NCK1: variants seen among roughly 807,000 people sequenced by gnomAD.
The protein encoded by NCK1 is SH2/SH3 adapter protein NCK1.
A neutral mutation model predicts 36.6 loss-of-function variants in NCK1; 19 were observed. The ratio of observed to expected loss-of-function variants is 0.52; its 90% confidence interval spans 0.36 to 0.76. The LOEUF (loss-of-function observed/expected upper bound fraction) is 0.76. NCK1 is among the 30% of genes least tolerant of loss of function. The probability of loss-of-function intolerance (pLI) is 0.00; values close to 1 mark genes in which losing one functional copy is unlikely to be tolerated. For synonymous variants in NCK1, 165 were observed against 156.0 expected (o/e 1.06, Z -0.43); for missense variants, 358 against 445.6 (o/e 0.80, Z 1.77).
rs563108914 is a variant in NCK1 at position 136,875,745 on chromosome 3, G to A, written c.-19+13392G>A. On this transcript the variant is annotated intron_variant, in intron 1 of 3. Coordinates refer to ENST00000481752, the MANE Select transcript of NCK1 (RefSeq NM_001291999.2). ...CACTGTCAACATTAGACAGATCAAC[G>A]AGACAGAAAGTCAACAAGGATACCC... Among the ~76,000 whole-genome samples the A allele has an allele frequency of 4.4e-3, 656 of 148,732 alleles. 4 individuals are homozygous for A. The highest frequency in any genetic ancestry group is 8.2e-3 in the Non-Finnish European group (548 of 67,142).
Position 136,945,942 on chromosome 3 carries a change from C to T in NCK1, c.586C>T (p.Gln196Ter). ...LNTGQVLHVVQALYPFSSSND... is the reference protein window; with the variant it reads ...LNTGQVLHVV ...TACTGGGCAAGTGTTGCATGTGGTACAGGCTCTTTACCCATTCAGCTCATC... is the reference window on the plus strand; with the variant it reads ...TACTGGGCAAGTGTTGCATGTGGTATAGGCTCTTTACCCATTCAGCTCATC... Residue 196 changes from glutamine (Q) to a stop codon, truncating the protein, a stop_gained, in exon 3 of 4, where the codon CAG becomes TAG. Transcript: ENST00000481752. LOFTEE classifies it high-confidence loss of function. 1 of 1,613,942 alleles carries T rather than the reference C, an allele frequency of 6.2e-7. No individual in the cohort carries two copies. Among genetic ancestry groups the T allele is most frequent in the Non-Finnish European group, 8.5e-7 (1 of 1,179,972 alleles).
Position 136,951,549 on chromosome 3 carries a change from T to G in NCK1, c.*3096T>G, listed in dbSNP as rs753774461. 1.3e-5 allele frequency among the ~76,000 whole-genome samples: 2 copies of G among 152,176 alleles called. No homozygotes were observed. Among genetic ancestry groups the G allele is most frequent in the Admixed American group, 6.5e-5 (1 of 15,276 alleles). The stretch of plus-strand genomic sequence containing the variant: ...TGGATGGTCCTCTTATCTTTACCAG[T>G]GCACATGGTGAAAAAATTCAAACAG... On this transcript the variant is annotated 3_prime_UTR_variant, in exon 4 of 4. Coordinates refer to ENST00000481752, the MANE Select transcript of NCK1 (RefSeq NM_001291999.2).
intron 1 of NCK1, among the ~76,000 whole-genome samples, chr3:136,913,715 C>CTGGA (rs1399759284): frequency 6.6e-6 from 1 of 152,216 alleles, no homozygotes; most frequent in African/African-American, 2.4e-5. Context: ...TTCGCCCAGG[C>CTGGA]TGGAGTGCAG....
rs1394375043 is a variant in NCK1 at position 136,862,658 on chromosome 3, C to T, written c.-19+305C>T. ...AGCCCGGGCGGCCGCCCGTGCGAGC[C>T]TGGGAGGTCGAGTGTGCGGCGCGCT... On this transcript the variant is annotated intron_variant, in intron 1 of 3. Coordinates refer to ENST00000481752, the MANE Select transcript of NCK1 (RefSeq NM_001291999.2). Among the ~76,000 whole-genome samples the T allele has an allele frequency of 1.9e-4, 3 of 15,876 alleles. No individual in the cohort carries two copies. In the Admixed American group the frequency reaches 2.8e-3, roughly 15 times the overall value. 10.4% of individuals were successfully genotyped at this position (15,876 alleles called of 152,430 possible).
intron 1 of NCK1, among the ~76,000 whole-genome samples, chr3:136,880,574 T>C (rs1280357291): frequency 2.0e-5 from 3 of 152,162 alleles, no homozygotes; most frequent in Non-Finnish European, 2.9e-5. Context: ...ATGTGTTTCC[T>C]TGATGTTGCC....
intron 1 of NCK1, among the ~76,000 whole-genome samples, chr3:136,892,132 C>A (rs1350340276): frequency 6.6e-6 from 1 of 152,154 alleles, no homozygotes; most frequent in Non-Finnish European, 1.5e-5. Context: ...AAGGGATCCT[C>A]CTGTCTCAGC....
intron 1 of NCK1, among the ~76,000 whole-genome samples, chr3:136,926,843 G>A (rs1940253610): frequency 6.6e-6 from 1 of 152,068 alleles, no homozygotes; most frequent in African/African-American, 2.4e-5. Flanking sequence ...TTTATGGCCT[G>A]GCATTTGATT....
At chr3:136,929,674 T>C (rs562066789) in intron 2 of NCK1, among the ~76,000 whole-genome samples, 1 of 152,310 alleles carries the variant, frequency 6.6e-6, no homozygotes, top group African/African-American at 2.4e-5. Context: ...GTATGCCTCA[T>C]AGTGATACGT....
chr3:136,878,847 A>G (rs16844164), intron 1 of NCK1, among the ~76,000 whole-genome samples: 1,718 of 152,262 alleles, frequency 0.011, 24 homozygotes, highest in African/African-American at 0.04. Flanking sequence ...ATTGGAGGTC[A>G]AGCGTTCTAC....
chr3:136,901,702 T>C (rs1383950195), intron 1 of NCK1, among the ~76,000 whole-genome samples: 1 of 152,224 alleles, frequency 6.6e-6, no homozygotes, highest in Non-Finnish European at 1.5e-5. Flanking sequence ...AATGTTCTTT[T>C]GTATTTCTGT....
In NCK1 at chr3:136,945,639, G is replaced by A; in HGVS notation, c.283G>A (p.Asp95Asn). The A allele has an allele frequency of 6.2e-7, 1 of 1,614,036 alleles. No homozygotes were observed. Among genetic ancestry groups the A allele is most frequent in the Non-Finnish European group, 8.5e-7 (1 of 1,179,950 alleles). Residue 95 changes from aspartate (D) to asparagine (N), a missense_variant, in exon 3 of 4, where the codon GAT becomes AAT. Physicochemically the swap from Asp to Asn is conservative, Grantham distance 23. This residue lies in a region of NCK1 where 143 missense variants were observed against 162.4 expected (regional missense o/e 0.88). Coordinates refer to ENST00000481752, the MANE Select transcript of NCK1 (RefSeq NM_001291999.2). ...SVPDSASPAD[D>N]SFVDPGERLY... ...GCCAGATTCTGCATCTCCTGCTGAT[G>A]ATAGTTTTGTTGACCCAGGGGAACG...
At chr3:136,927,388 C>CA (rs1446233043) in intron 1 of NCK1, among the ~76,000 whole-genome samples, 2 of 152,186 alleles carry the variant, frequency 1.3e-5, no homozygotes, top group Non-Finnish European at 2.9e-5. Flanking sequence ...TATCTTGTTA[C>CA]TAGGTACATA....
intron 2 of NCK1, chr3:136,930,595 G>T: frequency 6.8e-7 from 1 of 1,473,890 alleles, no homozygotes; most frequent in Non-Finnish European, 9.0e-7. Context: ...GATTTTTTCA[G>T]TAAGTTAATC....
At chr3:136,917,263 G>A (rs1288171008) in intron 1 of NCK1, among the ~76,000 whole-genome samples, 1 of 135,692 alleles carries the variant, frequency 7.4e-6, no homozygotes, top group South Asian at 2.3e-4. Context: ...ATCAGCTATC[G>A]TTAGTGTATT....
intron 1 of NCK1, among the ~76,000 whole-genome samples, chr3:136,881,757 A>G (rs1447450642): frequency 2.0e-5 from 3 of 152,106 alleles, no homozygotes; most frequent in East Asian, 3.8e-4. Flanking sequence ...TGTTTGCTCT[A>G]TGTACCTCAT....
intron 1 of NCK1, among the ~76,000 whole-genome samples, chr3:136,864,982 G>A (rs1466633859): frequency 1.1e-4 from 14 of 131,892 alleles, no homozygotes; most frequent in Non-Finnish European, 1.9e-4. Flanking sequence ...TTTTTGAGAC[G>A]GAGTCTCACT....
At chr3:136,947,057 A>G (rs780228354) in intron 3 of NCK1, 27 of 152,190 alleles carry the variant, frequency 1.8e-4, no homozygotes, top group African/African-American at 5.5e-4. Context: ...TTGCGTGAGT[A>G]TATTTGTACA....
chr3:136,931,914 G>A (rs1248514506), intron 2 of NCK1, among the ~76,000 whole-genome samples: 3 of 152,144 alleles, frequency 2.0e-5, no homozygotes, highest in Non-Finnish European at 4.4e-5. Flanking sequence ...GAGGTCAGGA[G>A]TTTGAGACCA....
chr3:136,891,862 A>G (rs1939254738), intron 1 of NCK1, among the ~76,000 whole-genome samples: 3 of 152,266 alleles, frequency 2.0e-5, no homozygotes, highest in East Asian at 1.9e-4. Flanking sequence ...TGTCTATTCA[A>G]TTCCTACTCC....
Sources: gnomAD v4.1 joint callset for allele counts (sites outside exome capture counted in the v4.1 genomes callset) on GRCh38, gnomAD v4.1.1 for gene constraint, gnomAD v4.1.1 regional missense constraint, MANE v1.5 for transcripts, NCBI Gene and HGNC (gene_info 2026-07-23, HGNC 2026-07-21) for gene names.